PLIN4: variants seen among roughly 807,000 people sequenced by gnomAD.
PLIN4 encodes the protein perilipin 4.
Under a neutral mutation model 52.4 loss-of-function variants are expected in PLIN4, and 57 were observed. The ratio of observed to expected loss-of-function variants is 1.09; its 90% CI spans 0.88 to 1.36. The LOEUF (loss-of-function observed/expected upper bound fraction) is 1.36. Ranked by LOEUF, PLIN4 falls within the 40% of genes most tolerant of loss-of-function variation. The pLI is 0.00. For missense variants in PLIN4, 1,757 were observed against 1,770.3 expected (o/e 0.99, Z 0.13); for synonymous variants, 826 against 785.4 (o/e 1.05, Z -0.86).
chr19:4,516,796 C>T (rs770494236), intron 3 of PLIN4, 118 bp from the exon 4 acceptor site: 113 of 1,052,682 alleles, frequency 1.1e-4, no homozygotes, highest in African/African-American at 7.6e-4. Flanking sequence ...TCAGCTACCC[C>T]GCCAGGGACA....
Position 4,517,556 on chromosome 19 carries a change from T to C in PLIN4, c.194A>G (p.Gln65Arg). Residue 65 changes from glutamine to arginine, a missense_variant and splice_region_variant, in exon 3 of 8, where the codon CAG becomes CGG. Physicochemically the swap from Gln to Arg is conservative, Grantham distance 43. This residue lies in a region of PLIN4 where 332 missense variants were observed against 310.8 expected (regional missense o/e 1.07). Coordinates refer to ENST00000301286, the MANE Select transcript of PLIN4 (RefSeq NM_001367868.2). Reference protein sequence around the residue: ...PAAEAAQPQAQVAAHPEQTAP... With the variant: ...PAAEAAQPQARVAAHPEQTAP... The stretch of plus-strand genomic sequence containing the variant: ...CCCCAGCTGGGCCAGCCACTCACCC[T>C]GAGCCTGTGGTTGGGCAGCCTCGGC... 6.2e-7 allele frequency: 1 copy of C among 1,608,634 alleles called. No individual in the cohort carries two copies. The highest frequency in any genetic ancestry group is 8.5e-7 in the Non-Finnish European group (1 of 1,178,138).
At chr19:4,518,133 T>C (rs987477629) in intron 2 of PLIN4, 89 bp downstream of exon 2, 8 of 1,116,470 alleles carry the variant, frequency 7.2e-6, no homozygotes, top group Non-Finnish European at 9.1e-6. Context: ...CTCTCCAGAT[T>C]CGAGACCCCA....
chr19:4,511,044 C>A lies in PLIN4; in HGVS notation c.2916G>T (p.Val972=), dbSNP rs1300594853. The A allele has an allele frequency of 6.2e-7, 1 of 1,613,488 alleles. No individual in the cohort carries two copies. Among genetic ancestry groups the A allele is most frequent in the South Asian group, 1.1e-5 (1 of 91,078 alleles). The change falls in exon 5 of 8, where the codon GTG becomes GTT. Residue 972 remains valine (V), a synonymous_variant. Transcript: ENST00000301286. ...TCTGCACGGTTCCTTTGGCCACATT[C>A]ACTGCCCCCGTGACTCCAGTAGTCA... ...DAVTTGVTGA[V]NVAKGTVQTG... is the part of the protein sequence containing the mutation.
rs1976177753 is a variant in PLIN4 at position 4,508,782 on chromosome 19, C to T, written c.3688G>A (p.Asp1230Asn). Reference protein sequence around the residue: ...QARDTLAQLQDCFRLIEKAQQ... With the variant: ...QARDTLAQLQNCFRLIEKAQQ... ...GAAGCTCTTACCAGCCTGAAGCAGT[C>T]CTGGAGCTGGGCCAGAGTGTCCCTG... The change falls in exon 6 of 8, where the codon GAC becomes AAC. Residue 1230 changes from aspartate (D) to asparagine (N), a missense_variant. By Grantham distance (23) the Asp-to-Asn change is conservative. Coordinates refer to ENST00000301286, the MANE Select transcript of PLIN4 (RefSeq NM_001367868.2). The T allele has an allele frequency of 1.6e-5, 25 of 1,586,856 alleles. No homozygotes were observed. Among genetic ancestry groups the T allele is most frequent in the Non-Finnish European group, 2.0e-5 (23 of 1,167,294 alleles).
At chr19:4,514,090 C>G (rs1336773297) in intron 4 of PLIN4, among the ~76,000 whole-genome samples, 1 of 152,260 alleles carries the variant, frequency 6.6e-6, no homozygotes, top group African/African-American at 2.4e-5. Flanking sequence ...CTTGCTTATT[C>G]TCCATTCATG....
At chr19:4,518,077 G>T (rs1599755929) in intron 2 of PLIN4, 145 bp downstream of exon 2, 1 of 665,030 alleles carries the variant, frequency 1.5e-6, no homozygotes, top group Non-Finnish European at 2.2e-6. Flanking sequence ...GAAGGGATTG[G>T]CATCATGGCT....
chr19:4,510,093 C>T (rs1004123862), intron 5 of PLIN4, among the ~76,000 whole-genome samples: 6 of 151,452 alleles, frequency 4.0e-5, no homozygotes, highest in East Asian at 2.0e-4. Flanking sequence ...CCCAGCTGGG[C>T]GTGGTGGCTC....
intron 2 of PLIN4, 107 bp downstream of exon 2, chr19:4,518,115 G>A: frequency 1.0e-6 from 1 of 991,626 alleles, no homozygotes; most frequent in Non-Finnish European, 1.3e-6. Flanking sequence ...AGCCCACCAG[G>A]GAAGCACCTC....
rs141460560 is a variant in PLIN4 at position 4,510,142 on chromosome 19, G to A, written c.3514+304C>T. On this transcript the variant is annotated intron_variant, in intron 5 of 7. Transcript: ENST00000301286. ...CAGCACTTGGGAAGCTGAGGCGGGC[G>A]GATCACGAGGTCAAGAGATCGAGAC... Among the ~76,000 whole-genome samples, 413 of 152,158 alleles carry A rather than the reference G, an allele frequency of 2.7e-3. 13 individuals are homozygous for A. In the South Asian group the frequency reaches 0.052, roughly 19 times the overall value.
intron 4 of PLIN4, among the ~76,000 whole-genome samples, 163 bp downstream of exon 4, chr19:4,516,454 A>G (rs1976583596): frequency 6.6e-6 from 1 of 152,320 alleles, no homozygotes; most frequent in African/African-American, 2.4e-5. Flanking sequence ...TGGGATCCCC[A>G]GGCTGTCTGC....
chr19:4,517,118 G>A (rs1191251318), intron 3 of PLIN4, among the ~76,000 whole-genome samples: 2 of 152,176 alleles, frequency 1.3e-5, no homozygotes, highest in Non-Finnish European at 2.9e-5. Context: ...CCCCAACCCT[G>A]GGTTCCCTGT....
chr19:4,511,838 C>A lies in PLIN4; in HGVS notation c.2122G>T (p.Val708Leu). The change falls in exon 5 of 8, where the codon GTG becomes TTG. Residue 708 changes from valine to leucine, a missense_variant. Physicochemically the swap from Val to Leu is conservative, Grantham distance 32 (BLOSUM62 1). Transcript: ENST00000301286. ...DTVTTGLMGA[V>L]NVAKGTVQTS... ...TGGACAGTCCCTTTGGCGACATTCA[C>A]TGCCCCCATGAGCCCAGTAGTGACT... The A allele has an allele frequency of 6.2e-7, 1 of 1,610,724 alleles. No individual in the cohort carries two copies. The highest frequency in any genetic ancestry group is 8.5e-7 in the Non-Finnish European group (1 of 1,177,090).
chr19:4,516,839 CCTGGTCACCCCCCAA>C (rs1254050391), intron 3 of PLIN4, among the ~76,000 whole-genome samples, 161 bp from the exon 4 acceptor site: 1 of 152,338 alleles, frequency 6.6e-6, no homozygotes, highest in Non-Finnish European at 1.5e-5. Flanking sequence ...ACCAGCCAGA[CCTGGTCACCCCCCAA>C]CCCCGCTGGG....
intron 5 of PLIN4, among the ~76,000 whole-genome samples, chr19:4,509,295 T>A (rs375804322): frequency 2.4e-3 from 14 of 5,940 alleles, no homozygotes; most frequent in African/African-American, 3.8e-3. Context: ...TGGGTAAGAG[T>A]GCGAGACTCC....
At chr19:4,509,309 T>C (rs1288519189) in intron 5 of PLIN4, among the ~76,000 whole-genome samples, 1 of 758 alleles carries the variant, frequency 1.3e-3, no homozygotes. Flanking sequence ...AGACTCCGTC[T>C]CAAAAAAAAA....
In PLIN4 at chr19:4,512,835, G is replaced by C. The variant is rs61730743; in HGVS notation, c.1125C>G (p.Thr375=). 589 of 1,563,848 alleles carry C rather than the reference G, an allele frequency of 3.8e-4. 165 individuals carry two copies. In the African/African-American group the frequency reaches 0.011, roughly 29 times the overall value. Residue 375 remains threonine, a synonymous_variant, in exon 5 of 8, where the codon ACC becomes ACG. Coordinates refer to ENST00000301286, the MANE Select transcript of PLIN4 (RefSeq NM_001367868.2). ...GTKNTVCSGV[T]GAVNLAKEAI... is the part of the protein sequence containing the mutation. ...CCTCTTTGGCCAAGTTCACGGCACC[G>C]GTCACCCCACTGCAGACAGTGTTCT...
chr19:4,516,744 A>T, intron 3 of PLIN4, 66 bp from the exon 4 acceptor site: 1 of 1,419,414 alleles, frequency 7.0e-7, no homozygotes, highest in Non-Finnish European at 9.4e-7. Flanking sequence ...CCGGCTGCCC[A>T]TTGCACAATA....
Position 4,518,238 on chromosome 19 carries a change from G to A in PLIN4, c.35C>T (p.Pro12Leu). The change falls in exon 2 of 8, where the codon CCC becomes CTC. Residue 12 changes from proline (P) to leucine (L), a missense_variant. Around this residue, in one of 7 missense-constraint regions of PLIN4, gnomAD observed 332 missense variants for 310.8 expected, o/e 1.07. Transcript: ENST00000301286. ...SAPDEGRRDP[P>L]KPKGKTLGSF... ...CCTCTTTACCTTGCCCTTCGGTTTGGGGGGATCCCGTCTCCCTTCGTCTGG... is the reference window on the plus strand; with the variant it reads ...CCTCTTTACCTTGCCCTTCGGTTTGAGGGGATCCCGTCTCCCTTCGTCTGG... The A allele has an allele frequency of 1.6e-6, 2 of 1,233,070 alleles. No individual in the cohort carries two copies. The highest frequency in any genetic ancestry group is 2.0e-6 in the Non-Finnish European group (2 of 988,720). The allele number at this position is 1,233,070 out of a possible 1,614,324, so 76.4% of individuals were successfully genotyped here.
chr19:4,517,743 G>A lies in PLIN4; in HGVS notation c.52-45C>T, dbSNP rs745845831. The A allele has an allele frequency of 1.5e-5, 23 of 1,545,162 alleles. No individual in the cohort carries two copies. In the Middle Eastern group the frequency reaches 5.1e-4, roughly 34 times the overall value. On this transcript the variant is annotated intron_variant, in intron 2 of 7. Transcript: ENST00000301286. ...GTGCAGGATGAGCAGGCCAAGCCTC[G>A]GCAGGAACGGGTCAGAGGAAGCATC...
Sources: gnomAD v4.1 joint callset for allele counts (sites outside exome capture counted in the v4.1 genomes callset) on GRCh38, gnomAD v4.1.1 for gene constraint, gnomAD v4.1.1 regional missense constraint, MANE v1.5 for transcripts, NCBI Gene and HGNC (gene_info 2026-07-23, HGNC 2026-07-21) for gene names.